Variants in ZNF678 observed in about 807,000 individuals in gnomAD.
ZNF678 encodes zinc finger protein 678, also known as hypothetical protein MGC42493.
ZNF678 carries 5 observed loss-of-function variants against 3.0 expected under a neutral mutation model. The ratio of observed to expected loss-of-function variants is 1.69; its 90% confidence interval spans 0.88 to 3.56. The LOEUF (loss-of-function observed/expected upper bound fraction) is 3.56. ZNF678 is among the 30% of genes most tolerant of loss of function. The pLI is 0.00. For synonymous variants in ZNF678, 218 were observed against 199.6 expected (o/e 1.09, Z -0.78); for missense variants, 593 against 605.0 (o/e 0.98, Z 0.21).
At chr1:227,604,270 G>A (rs1156413890) in intron 1 of ZNF678, among the ~76,000 whole-genome samples, 1 of 152,162 alleles carries the variant, frequency 6.6e-6, no homozygotes, top group South Asian at 2.1e-4. Context: ...TTTGTAAAGC[G>A]GCTGTGCTGT....
At chr1:227,652,742 A>G (rs1292980342) in intron 3 of ZNF678, among the ~76,000 whole-genome samples, 1 of 152,116 alleles carries the variant, frequency 6.6e-6, no homozygotes, top group Non-Finnish European at 1.5e-5. Context: ...ACAGATGTTT[A>G]TTGTTGTTCT....
chr1:227,648,944 A>G lies in ZNF678; in HGVS notation c.-36-2012A>G, dbSNP rs75381414. Among the ~76,000 whole-genome samples, 686 of 152,338 alleles carry G rather than the reference A, an allele frequency of 4.5e-3. 16 individuals carry two copies. Among genetic ancestry groups the G allele is most frequent in the Admixed American group, 0.032 (490 of 15,302 alleles). Reference sequence around the variant, plus strand: ...AGTTTCACCATTTTGGATTCTTTGTATAAGTGAGATCATACAGTATCTGCC... The same window carrying G: ...AGTTTCACCATTTTGGATTCTTTGTGTAAGTGAGATCATACAGTATCTGCC... On this transcript the variant is annotated intron_variant, in intron 2 of 3. Coordinates refer to ENST00000343776, the MANE Select transcript of ZNF678 (RefSeq NM_001367909.1).
chr1:227,620,739 AT>A (rs1315616121), intron 1 of ZNF678, among the ~76,000 whole-genome samples: 2 of 152,240 alleles, frequency 1.3e-5, no homozygotes, highest in Non-Finnish European at 2.9e-5. Flanking sequence ...ATGATTGGTT[AT>A]ACATTGTTGG....
At chr1:227,639,646 T>C (rs1658768812) in intron 1 of ZNF678, among the ~76,000 whole-genome samples, 1 of 152,076 alleles carries the variant, frequency 6.6e-6, no homozygotes, top group Admixed American at 6.5e-5. Context: ...AGACACACAA[T>C]CATGTGGTCT....
chr1:227,619,757 C>T (rs970957851), intron 1 of ZNF678, among the ~76,000 whole-genome samples: 23 of 151,694 alleles, frequency 1.5e-4, no homozygotes, highest in Middle Eastern at 3.4e-3. Context: ...ATGATCCGCC[C>T]GCCTTGGCCT....
At chr1:227,594,906 TAA>T (rs770325271) in intron 1 of ZNF678, among the ~76,000 whole-genome samples, 4 of 152,222 alleles carry the variant, frequency 2.6e-5, no homozygotes, top group Non-Finnish European at 4.4e-5. Context: ...AGGTTTCCTC[TAA>T]AAGTTATTTT....
chr1:227,595,368 A>C (rs1274210460), intron 1 of ZNF678, among the ~76,000 whole-genome samples: 2 of 151,936 alleles, frequency 1.3e-5, no homozygotes, highest in Admixed American at 1.3e-4. Flanking sequence ...TGTGTAAGGG[A>C]ACTGGTCTGG....
rs138170606 is a variant in ZNF678 at position 227,581,582 on chromosome 1, T to C, written c.-164+17858T>C. Among the ~76,000 whole-genome samples, 354 of 152,348 alleles carry C rather than the reference T, an allele frequency of 2.3e-3. 2 individuals are homozygous for C. The highest frequency in any genetic ancestry group is 7.6e-3 in the African/African-American group (317 of 41,582). On this transcript the variant is annotated intron_variant, in intron 1 of 3. Coordinates refer to ENST00000343776, the MANE Select transcript of ZNF678 (RefSeq NM_001367909.1). ...TTCACTCAACATTCTTAGTGGCGCATTGCTTCTTTTTCATCCATAATCTAA... is the reference window on the plus strand; with the variant it reads ...TTCACTCAACATTCTTAGTGGCGCACTGCTTCTTTTTCATCCATAATCTAA...
chr1:227,631,040 G>C (rs1439692716), intron 1 of ZNF678, among the ~76,000 whole-genome samples: 2 of 152,136 alleles, frequency 1.3e-5, no homozygotes, highest in Admixed American at 6.6e-5. Context: ...CAGTGCTGCA[G>C]AGGAATATAA....
chr1:227,655,893 AC>A lies in ZNF678; in HGVS notation c.*66del. The A allele has an allele frequency of 2.1e-6, 3 of 1,431,394 alleles. No homozygotes were observed. Among genetic ancestry groups the A allele is most frequent in the Non-Finnish European group, 2.8e-6 (3 of 1,061,102 alleles). The allele number at this position is 1,431,394 out of a possible 1,614,324, so 88.7% of individuals were successfully genotyped here. ...GAATAAAAGTGGTATGAGCATAATG[AC>A]TGTTTAAGGATGTTTCACAAAATGT... On this transcript the variant is annotated 3_prime_UTR_variant, in exon 4 of 4. Coordinates refer to ENST00000343776, the MANE Select transcript of ZNF678 (RefSeq NM_001367909.1).
chr1:227,564,342 C>CTTA (rs1298825745), intron 1 of ZNF678, among the ~76,000 whole-genome samples: 1 of 152,160 alleles, frequency 6.6e-6, no homozygotes, highest in Admixed American at 6.5e-5. Flanking sequence ...TTTGTTTCTA[C>CTTA]TTAAGGCAGT....
intron 1 of ZNF678, among the ~76,000 whole-genome samples, chr1:227,622,316 A>G (rs746738423): frequency 3.9e-5 from 6 of 152,204 alleles, no homozygotes; most frequent in Non-Finnish European, 7.3e-5. Context: ...GCATCCACCT[A>G]TGATTTGTCA....
At chr1:227,606,306 C>T (rs1657868752) in intron 1 of ZNF678, among the ~76,000 whole-genome samples, 1 of 152,166 alleles carries the variant, frequency 6.6e-6, no homozygotes, top group South Asian at 2.1e-4. Context: ...GTAAAGGAAT[C>T]TGCATCATAA....
intron 1 of ZNF678, among the ~76,000 whole-genome samples, chr1:227,624,541 G>C (rs923890763): frequency 1.1e-4 from 17 of 152,174 alleles, no homozygotes; most frequent in African/African-American, 2.4e-5. Context: ...TGTTCTTAGA[G>C]CTCCCGAGAT....
chr1:227,651,723 C>T (rs958994811), intron 3 of ZNF678, among the ~76,000 whole-genome samples: 7 of 152,142 alleles, frequency 4.6e-5, no homozygotes, highest in African/African-American at 1.7e-4. Flanking sequence ...AACCCCCTGC[C>T]TGAATCACAA....
chr1:227,614,292 G>A (rs2102763633), intron 1 of ZNF678, among the ~76,000 whole-genome samples: 1 of 152,264 alleles, frequency 6.6e-6, no homozygotes, highest in Middle Eastern at 3.4e-3. Context: ...TTTATTGCCA[G>A]AATTCTGACA....
chr1:227,632,723 A>G (rs4376731), intron 1 of ZNF678, among the ~76,000 whole-genome samples: 1 of 152,058 alleles, frequency 6.6e-6, no homozygotes, highest in Non-Finnish European at 1.5e-5. Flanking sequence ...ATTCTAAGGA[A>G]GGATAGGACA....
intron 2 of ZNF678, among the ~76,000 whole-genome samples, chr1:227,647,893 G>A (rs1459742054): frequency 6.6e-6 from 1 of 152,158 alleles, no homozygotes; most frequent in African/African-American, 2.4e-5. Flanking sequence ...ATTTGCAAGA[G>A]TAGTGGTATA....
chr1:227,574,699 A>G (rs1007781641), intron 1 of ZNF678, among the ~76,000 whole-genome samples: 10 of 152,018 alleles, frequency 6.6e-5, no homozygotes, highest in East Asian at 1.9e-4. Flanking sequence ...TTTTGTTGAA[A>G]TTGCTTTTGG....
Sources: allele counts gnomAD v4.1 joint callset (sites outside exome capture counted in the v4.1 genomes callset), GRCh38; gene constraint gnomAD v4.1.1; transcripts MANE v1.5; gene names NCBI Gene and HGNC (gene_info 2026-07-23, HGNC 2026-07-21).